Variants in OR52N2 observed in about 807,000 individuals in gnomAD.
OR52N2 encodes the protein olfactory receptor family 52 subfamily N member 2.
For synonymous variants in OR52N2, 129 were observed against 72.0 expected (o/e 1.79, Z -4.01); for missense variants, 326 against 196.6 (o/e 1.66, Z -3.94).
chr11:5,816,438 C>G (rs1394601563), intron 1 of OR52N2, among the ~76,000 whole-genome samples: 1 of 152,042 alleles, frequency 6.6e-6, no homozygotes, highest in Non-Finnish European at 1.5e-5. Context: ...TATAGGGCAC[C>G]CTATGAACTT....
intron 1 of OR52N2, among the ~76,000 whole-genome samples, chr11:5,815,133 G>C (rs1846394286): frequency 6.6e-6 from 1 of 151,794 alleles, no homozygotes; most frequent in Non-Finnish European, 1.5e-5. Flanking sequence ...AGAAAACAAA[G>C]AGAAAAAATT....
chr11:5,820,411 C>A lies in OR52N2; in HGVS notation c.76C>A (p.His26Asn), dbSNP rs1000151819. The A allele has an allele frequency of 1.3e-6, 1 of 780,920 alleles. No homozygotes were observed. The allele number at this position is 780,920 out of a possible 1,614,324, so 48.4% of individuals were successfully genotyped here. ...LNGVPGLEAT[H>N]IWISLPFCFM... ...TGGCGTTCCTGGGCTGGAAGCCACACACATCTGGATCTCCCTGCCATTCTG... is the reference window on the plus strand; with the variant it reads ...TGGCGTTCCTGGGCTGGAAGCCACAAACATCTGGATCTCCCTGCCATTCTG... Residue 26 changes from histidine to asparagine, a missense_variant, in exon 2 of 2, where the codon CAC becomes AAC. Coordinates refer to ENST00000317037, the MANE Select transcript of OR52N2 (RefSeq NM_001005174.3).
At chr11:5,815,832 C>T (rs1029122623) in intron 1 of OR52N2, among the ~76,000 whole-genome samples, 30 of 151,818 alleles carry the variant, frequency 2.0e-4, no homozygotes, top group Non-Finnish European at 3.2e-4. Flanking sequence ...AATCTAATTG[C>T]CCATCAATGG....
rs9630185 is a variant in OR52N2, at chr11:5,808,973, A to G, written c.-136A>G. 0.58 allele frequency among the ~76,000 whole-genome samples: 88,424 copies of G among 151,816 alleles called. 25,949 individuals are homozygous for G. Among genetic ancestry groups the G allele is most frequent in the Non-Finnish European group, 0.62 (42,228 of 67,922 alleles). On this transcript the variant is annotated 5_prime_UTR_variant, in exon 1 of 2. Coordinates refer to ENST00000317037, the MANE Select transcript of OR52N2 (RefSeq NM_001005174.3). ...TCCTCCTCGCGTTGCTGAGAGTCCG[A>G]GTTTATTCATCACAATGGGTGGGTC...
At chr11:5,815,322 AT>A (rs34988999) in intron 1 of OR52N2, among the ~76,000 whole-genome samples, 1 of 152,082 alleles carries the variant, frequency 6.6e-6, no homozygotes. Flanking sequence ...ATATTTATAA[AT>A]TATATATCTG....
At chr11:5,816,545 C>CTTTTTTTTTTTT (rs1464421774) in intron 1 of OR52N2, among the ~76,000 whole-genome samples, 12 of 150,680 alleles carry the variant, frequency 8.0e-5, no homozygotes, top group African/African-American at 1.5e-4. Flanking sequence ...TGATCTAAAT[C>CTTTTTTTTTTTT]TTCTTTTTTT....
chr11:5,811,238 G>A (rs1268194306), intron 1 of OR52N2, among the ~76,000 whole-genome samples: 2 of 151,914 alleles, frequency 1.3e-5, no homozygotes, highest in Middle Eastern at 3.4e-3. Flanking sequence ...GAAAACGTAT[G>A]AAAGAATAAA....
intron 1 of OR52N2, among the ~76,000 whole-genome samples, chr11:5,809,485 G>A (rs1359088751): frequency 3.3e-5 from 5 of 152,154 alleles, no homozygotes; most frequent in African/African-American, 4.8e-5. Flanking sequence ...AGGTAACTAC[G>A]GGAACAGATG....
rs1846452003 is a variant in OR52N2, at chr11:5,821,262, T to G, written c.927T>G (p.Phe309Leu). ...TKQIQEGVIK[F>L]LLGDKVSFTY... ...AGATTCAGGAAGGTGTAATTAAATT[T>G]TTACTTGGAGACAAGGTTAGTTTTA... Residue 309 changes from phenylalanine to leucine, a missense_variant, in exon 2 of 2, where the codon TTT becomes TTG. Physicochemically the swap from Phe to Leu is conservative, Grantham distance 22 (BLOSUM62 0). Transcript: ENST00000317037. 1.3e-6 allele frequency: 1 copy of G among 780,490 alleles called. No homozygotes were observed. The highest frequency in any genetic ancestry group is 2.4e-6 in the Non-Finnish European group (1 of 418,004). The allele number at this position is 780,490 out of a possible 1,614,324, so 48.3% of individuals were successfully genotyped here. A position where few individuals can be genotyped will look rare whatever the true frequency, so the allele number is the denominator to read the frequency against.
chr11:5,815,467 AT>A (rs1275201347), intron 1 of OR52N2, among the ~76,000 whole-genome samples: 1 of 152,180 alleles, frequency 6.6e-6, no homozygotes, highest in Non-Finnish European at 1.5e-5. Flanking sequence ...TAATAAACAC[AT>A]AAAAGACACT....
At chr11:5,816,883 G>T (rs79169302) in intron 1 of OR52N2, among the ~76,000 whole-genome samples, 9,417 of 152,146 alleles carry the variant, frequency 0.062, 341 homozygotes, top group African/African-American at 0.09. Flanking sequence ...ATCTAAAAGA[G>T]AAGAGTTTAC....
intron 1 of OR52N2, among the ~76,000 whole-genome samples, chr11:5,814,907 A>G (rs569848096): frequency 5.6e-4 from 85 of 152,336 alleles, no homozygotes; most frequent in African/African-American, 1.9e-3. Flanking sequence ...GAGAGCCCAG[A>G]GTGAACCCTC....
chr11:5,821,066 C>T lies in OR52N2; in HGVS notation c.731C>T (p.Thr244Ile), dbSNP rs1246107497. 4 of 780,906 alleles carry T rather than the reference C, an allele frequency of 5.1e-6. No homozygotes were observed. The highest frequency in any genetic ancestry group is 3.4e-5 in the African/African-American group (2 of 59,156). The allele number at this position is 780,906 out of a possible 1,614,324, so 48.4% of individuals were successfully genotyped here. A position where few individuals can be genotyped will look rare whatever the true frequency, so the allele number is the denominator to read the frequency against. ...DARHKAFSTC[T>I]SHMCSIVITY... ...CGTCACAAAGCCTTCAGCACCTGCA[C>T]ATCTCACATGTGTTCCATTGTGATC... The change falls in exon 2 of 2, where the codon ACA (threonine) becomes ATA (isoleucine). Residue 244 changes from threonine (T) to isoleucine (I), a missense_variant. By Grantham distance (89) the Thr-to-Ile change is moderately conservative. Transcript: ENST00000317037.
intron 1 of OR52N2, among the ~76,000 whole-genome samples, chr11:5,809,728 A>C (rs968200424): frequency 1.3e-5 from 2 of 152,102 alleles, no homozygotes; most frequent in African/African-American, 2.4e-5. Context: ...GCCCAAGGAT[A>C]GTTTCACTAT....
At chr11:5,817,752 T>C (rs1238867188) in intron 1 of OR52N2, among the ~76,000 whole-genome samples, 1 of 152,164 alleles carries the variant, frequency 6.6e-6, no homozygotes, top group African/African-American at 2.4e-5. Context: ...TTTGAGCCCA[T>C]AAACTTCAAT....
At chr11:5,818,651 G>T (rs1473341875) in intron 1 of OR52N2, among the ~76,000 whole-genome samples, 1 of 152,100 alleles carries the variant, frequency 6.6e-6, no homozygotes, top group African/African-American at 2.4e-5. Flanking sequence ...AGTAATAGCA[G>T]TAAGGGGCAA....
intron 1 of OR52N2, among the ~76,000 whole-genome samples, chr11:5,818,213 G>C (rs1846418866): frequency 6.6e-6 from 1 of 151,870 alleles, no homozygotes; most frequent in Non-Finnish European, 1.5e-5. Flanking sequence ...TACTTCTCTT[G>C]TTGTAAGAGG....
rs1031254250 is a variant in OR52N2, at chr11:5,820,417, T to A, written c.82T>A (p.Trp28Arg). The A allele has an allele frequency of 3.8e-6, 3 of 780,930 alleles. No homozygotes were observed. The highest frequency in any genetic ancestry group is 3.4e-5 in the Admixed American group (2 of 59,020). The allele number at this position is 780,930 out of a possible 1,614,324, so 48.4% of individuals were successfully genotyped here. A position where few individuals can be genotyped will look rare whatever the true frequency, so the allele number is the denominator to read the frequency against. ...TCCTGGGCTGGAAGCCACACACATC[T>A]GGATCTCCCTGCCATTCTGCTTTAT... ...GVPGLEATHI[W>R]ISLPFCFMYI... Residue 28 changes from tryptophan to arginine, a missense_variant, in exon 2 of 2, where the codon TGG (tryptophan) becomes AGG (arginine). Physicochemically the swap from Trp to Arg is moderately radical, Grantham distance 101 (BLOSUM62 -3). Transcript: ENST00000317037.
intron 1 of OR52N2, among the ~76,000 whole-genome samples, chr11:5,809,765 T>C (rs1846340758): frequency 6.6e-6 from 1 of 152,002 alleles, no homozygotes. Flanking sequence ...AGACAAGAAA[T>C]TTAAATGTGT....
Sources: gnomAD v4.1 joint callset for allele counts (sites outside exome capture counted in the v4.1 genomes callset) on GRCh38, gnomAD v4.1.1 for gene constraint, MANE v1.5 for transcripts, NCBI Gene and HGNC (gene_info 2026-07-23, HGNC 2026-07-21) for gene names.